The following CDH13 variants were observed in gnomAD, a reference collection of about 807,000 sequenced individuals.
CDH13 encodes the protein cadherin-13.
A neutral mutation model predicts 63.8 loss-of-function variants in CDH13; 24 were observed. That is an observed-to-expected ratio of 0.38 (90% confidence interval 0.27 to 0.53). The LOEUF is 0.53. Among genes scored for constraint, CDH13 ranks in the 20% least tolerant of loss-of-function variants. The pLI is 0.85. For synonymous variants in CDH13, 503 were observed against 355.3 expected (o/e 1.42, Z -4.67); for missense variants, 1,049 against 903.1 (o/e 1.16, Z -2.07).
At chr16:83,507,115 T>C (rs370615158) in intron 7 of CDH13, among the ~76,000 whole-genome samples, 2 of 152,236 alleles carry the variant, frequency 1.3e-5, no homozygotes, top group Admixed American at 6.5e-5. Flanking sequence ...CCAAACCTGG[T>C]GTGAGCAGCC....
Position 83,592,669 on chromosome 16 carries a change from T to C in CDH13, c.961-9785T>C, listed in dbSNP as rs80030809. ...ACATATGTCTAAGAGACAGTGTTTA[T>C]TTCCCCTGCTGCTTCTCCACCCTGC... On this transcript the variant is annotated intron_variant, in intron 7 of 13. Coordinates refer to ENST00000567109, the MANE Select transcript of CDH13 (RefSeq NM_001257.5). Among the ~76,000 whole-genome samples, 1,182 of 152,320 alleles carry C rather than the reference T, an allele frequency of 7.8e-3. 14 individuals are homozygous for C. The highest frequency in any genetic ancestry group is 0.027 in the African/African-American group (1,140 of 41,558).
intron 5 of CDH13, among the ~76,000 whole-genome samples, chr16:83,299,937 A>T (rs912296872): frequency 6.6e-6 from 1 of 152,202 alleles, no homozygotes; most frequent in Non-Finnish European, 1.5e-5. Context: ...CCAAATTCAG[A>T]TGAGGGCAAG....
intron 2 of CDH13, among the ~76,000 whole-genome samples, chr16:82,950,668 T>A (rs953999543): frequency 5.3e-5 from 8 of 152,202 alleles, no homozygotes; most frequent in Non-Finnish European, 2.9e-5. Flanking sequence ...AACATGTCTT[T>A]ATCAGCATTG....
intron 10 of CDH13, among the ~76,000 whole-genome samples, chr16:83,690,252 A>C (rs183482139): frequency 7.7e-4 from 118 of 152,346 alleles, no homozygotes; most frequent in Non-Finnish European, 1.2e-3. Flanking sequence ...AGAATTAATA[A>C]ATACAATAAG....
intron 3 of CDH13, among the ~76,000 whole-genome samples, chr16:83,057,775 C>G (rs760052276): frequency 2.6e-5 from 4 of 152,108 alleles, no homozygotes; most frequent in Admixed American, 2.0e-4. Flanking sequence ...ACCTCCCACT[C>G]CAGAAAAGGG....
intron 1 of CDH13, among the ~76,000 whole-genome samples, chr16:82,670,549 G>A (rs1212204409): frequency 6.6e-6 from 1 of 152,184 alleles, no homozygotes; most frequent in Non-Finnish European, 1.5e-5. Context: ...TGAAGGCAGC[G>A]GGGCACACGT....
intron 2 of CDH13, among the ~76,000 whole-genome samples, chr16:83,029,705 C>G (rs916737767): frequency 4.6e-5 from 7 of 152,030 alleles, no homozygotes; most frequent in African/African-American, 1.7e-4. Context: ...ATAATGTAGC[C>G]TCTGGGGAAG....
intron 4 of CDH13, among the ~76,000 whole-genome samples, chr16:83,162,134 C>G (rs2037473627): frequency 1.3e-5 from 2 of 152,134 alleles, no homozygotes; most frequent in African/African-American, 4.8e-5. Flanking sequence ...CTGGTGCTTC[C>G]TTAGCTCATC....
chr16:83,107,745 T>G (rs1334567934), intron 3 of CDH13, among the ~76,000 whole-genome samples: 1 of 151,932 alleles, frequency 6.6e-6, no homozygotes, highest in Non-Finnish European at 1.5e-5. Context: ...TTTTTTTTTT[T>G]TTTTTACAAT....
At chr16:82,927,812 A>G (rs560864953) in intron 2 of CDH13, among the ~76,000 whole-genome samples, 24 of 152,330 alleles carry the variant, frequency 1.6e-4, no homozygotes, top group East Asian at 7.7e-4. Context: ...ATCATCAACA[A>G]TGTACTTATT....
At chr16:83,114,184 T>A (rs542505914) in intron 3 of CDH13, among the ~76,000 whole-genome samples, 3 of 152,236 alleles carry the variant, frequency 2.0e-5, no homozygotes, top group Admixed American at 1.3e-4. Context: ...TAGATGGTGA[T>A]TCAGATGATT....
At chr16:83,277,216 T>C (rs1597647493) in intron 5 of CDH13, among the ~76,000 whole-genome samples, 1 of 152,202 alleles carries the variant, frequency 6.6e-6, no homozygotes, top group Non-Finnish European at 1.5e-5. Context: ...TGAGAGGTTT[T>C]CTCACTCATG....
intron 5 of CDH13, among the ~76,000 whole-genome samples, chr16:83,219,409 C>G (rs1005272596): frequency 6.6e-6 from 1 of 152,142 alleles, no homozygotes; most frequent in Admixed American, 6.5e-5. Context: ...CTATCATGTA[C>G]TAGGTGTGGA....
At chr16:82,969,939 CT>C (rs573942848) in intron 2 of CDH13, among the ~76,000 whole-genome samples, 2,069 of 146,290 alleles carry the variant, frequency 0.014, 34 homozygotes, top group African/African-American at 0.04. Flanking sequence ...TAGTATTTCT[CT>C]TTTTTTTTTT....
intron 3 of CDH13, among the ~76,000 whole-genome samples, chr16:83,113,242 A>G (rs1017391565): frequency 6.6e-6 from 1 of 152,256 alleles, no homozygotes; most frequent in Non-Finnish European, 1.5e-5. Flanking sequence ...TGAGAGTGGC[A>G]GCTTTACTCT....
chr16:83,104,817 C>T (rs910348045), intron 3 of CDH13, among the ~76,000 whole-genome samples: 36 of 151,992 alleles, frequency 2.4e-4, no homozygotes, highest in Admixed American at 4.6e-4. Flanking sequence ...ATGAAGCTAA[C>T]GAACAAAAAC....
chr16:82,673,575 G>A (rs776665702), intron 1 of CDH13, among the ~76,000 whole-genome samples: 12 of 152,160 alleles, frequency 7.9e-5, no homozygotes, highest in African/African-American at 2.9e-4. Flanking sequence ...ATAATTCTAC[G>A]AGCCATGAAA....
intron 4 of CDH13, among the ~76,000 whole-genome samples, chr16:83,184,301 C>CATT (rs1212583853): frequency 6.6e-6 from 1 of 152,142 alleles, no homozygotes; most frequent in Admixed American, 6.5e-5. Flanking sequence ...CAGCCTCTTA[C>CATT]ATTAACTCTA....
At position 83,165,842 on chromosome 16, in the gene CDH13, A is replaced by C. The variant is rs533070475; in HGVS notation, c.483+40341A>C. Among the ~76,000 whole-genome samples, 84 of 152,150 alleles carry C rather than the reference A, an allele frequency of 5.5e-4. 1 individual carries two copies. In the East Asian group the frequency reaches 0.015, roughly 27 times the overall value. Reference sequence around the variant, plus strand: ...CCTTACCTCTCCTTTTCTTGGAGGAATGGTGGAAAGAGAAGAACAACTGAA... The same window carrying C: ...CCTTACCTCTCCTTTTCTTGGAGGACTGGTGGAAAGAGAAGAACAACTGAA... On this transcript the variant is annotated intron_variant, in intron 4 of 13. Coordinates refer to ENST00000567109, the MANE Select transcript of CDH13 (RefSeq NM_001257.5).
Sources: gnomAD v4.1 joint callset for allele counts (sites outside exome capture counted in the v4.1 genomes callset) on GRCh38, gnomAD v4.1.1 for gene constraint, MANE v1.5 for transcripts, NCBI Gene and HGNC (gene_info 2026-07-23, HGNC 2026-07-21) for gene names.